Variants in PHTF2 observed in about 807,000 individuals in gnomAD.
The protein encoded by PHTF2 is protein PHTF2.
PHTF2 carries 60 observed loss-of-function variants against 101.2 expected under a neutral mutation model. The observed-to-expected ratio is 0.59, with a 90% CI of 0.48 to 0.73. PHTF2 has a LOEUF of 0.73. Among genes scored for constraint, PHTF2 ranks in the 30% least tolerant of loss-of-function variants. The pLI is 0.00. For missense variants in PHTF2, 747 were observed against 908.7 expected, an observed-to-expected ratio of 0.82 and a Z score of 2.29; for synonymous variants, 311 against 307.3, an observed-to-expected ratio of 1.01 and a Z score of -0.13.
intron 19 of PHTF2, among the ~76,000 whole-genome samples, chr7:77,954,627 T>TATATATATATATATATATATATAG: frequency 7.2e-6 from 1 of 139,088 alleles, no homozygotes; most frequent in African/African-American, 2.9e-5. Context: ...TATATATATA[T>TATATATATATATATATATATATAG]ATATATATAT....
chr7:77,891,820 A>T (rs1263149492), intron 3 of PHTF2, among the ~76,000 whole-genome samples: 2 of 152,114 alleles, frequency 1.3e-5, no homozygotes, highest in Non-Finnish European at 2.9e-5. Context: ...TCCTGGGCTC[A>T]AGCGATTCTC....
intron 2 of PHTF2, among the ~76,000 whole-genome samples, chr7:77,853,644 T>G (rs190986924): frequency 6.6e-6 from 1 of 152,150 alleles, no homozygotes; most frequent in East Asian, 1.9e-4. Context: ...TTCGCCTACC[T>G]CGGCCTCCCA....
chr7:77,822,787 C>A (rs559960580), intron 1 of PHTF2, among the ~76,000 whole-genome samples: 120 of 152,204 alleles, frequency 7.9e-4, no homozygotes, highest in African/African-American at 2.7e-3. Context: ...GACACTCAAG[C>A]TGAATCTTAG....
chr7:77,833,011 C>G (rs1795187799), intron 1 of PHTF2, among the ~76,000 whole-genome samples: 1 of 152,050 alleles, frequency 6.6e-6, no homozygotes, highest in South Asian at 2.1e-4. Context: ...ACAGTATACT[C>G]TAATGAAAAG....
chr7:77,957,331 T>G (rs952374380), exon 20 of PHTF2: 5 of 152,192 alleles, frequency 3.3e-5, no homozygotes, highest in African/African-American at 7.2e-5. Context: ...AATAAATTTT[T>G]TATAACTTTC....
In PHTF2 at chr7:77,861,695, G is replaced by T. The variant is rs185244764; in HGVS notation, c.147+6861G>T. Reference sequence around the variant, plus strand: ...TCCAGCACTTTGGGAGGCCAAGGTGGGCAGATCACTTGAGGCCGGAAGTTT... The same window carrying T: ...TCCAGCACTTTGGGAGGCCAAGGTGTGCAGATCACTTGAGGCCGGAAGTTT... On this transcript the variant is annotated intron_variant, in intron 3 of 19. Coordinates refer to ENST00000416283, the Ensembl canonical transcript of PHTF2. Among the ~76,000 whole-genome samples, 179 of 152,272 alleles carry T rather than the reference G, an allele frequency of 1.2e-3. 1 individual carries two copies. Among genetic ancestry groups the T allele is most frequent in the African/African-American group, 4.2e-3 (174 of 41,542 alleles).
chr7:77,903,941 T>A (rs1201040916), intron 7 of PHTF2, among the ~76,000 whole-genome samples: 29 of 152,234 alleles, frequency 1.9e-4, no homozygotes, highest in Admixed American at 1.8e-3. Context: ...TTTTTTTATT[T>A]CAATTACATG....
chr7:77,901,666 T>C, intron 6 of PHTF2, 96 bp from the exon 6 acceptor site: 1 of 533,532 alleles, frequency 1.9e-6, no homozygotes. Context: ...AATAAAATTA[T>C]GTGGTGATGT....
In PHTF2 at chr7:77,869,839, GT is replaced by G. The variant is rs368876712; in HGVS notation, c.147+15010del. 1.2e-4 allele frequency among the ~76,000 whole-genome samples: 18 copies of G among 152,068 alleles called. No individual in the cohort carries two copies. In the East Asian group the frequency reaches 3.1e-3, roughly 26 times the overall value. On this transcript the variant is annotated intron_variant, in intron 3 of 19. Coordinates refer to ENST00000416283, the Ensembl canonical transcript of PHTF2. Reference sequence around the variant, plus strand: ...GATGTTGAGTTTTTTTGTTGTTGCTGTTTTTGTTTTGATTTTTTAACATACC... The same window carrying G: ...GATGTTGAGTTTTTTTGTTGTTGCTGTTTTGTTTTGATTTTTTAACATACC...
At chr7:77,882,282 A>G (rs997433200) in intron 3 of PHTF2, among the ~76,000 whole-genome samples, 4 of 152,156 alleles carry the variant, frequency 2.6e-5, no homozygotes, top group Non-Finnish European at 4.4e-5. Context: ...AGATATATAA[A>G]TTGACCGAAT....
At chr7:77,821,871 C>A (rs1253971177) in intron 1 of PHTF2, among the ~76,000 whole-genome samples, 1 of 152,164 alleles carries the variant, frequency 6.6e-6, no homozygotes. Flanking sequence ...GGGCTCATGG[C>A]TGCTTGGATG....
At chr7:77,840,922 GTTGTT>G (rs1441399406) in intron 2 of PHTF2, among the ~76,000 whole-genome samples, 2 of 151,836 alleles carry the variant, frequency 1.3e-5, no homozygotes, top group African/African-American at 4.8e-5. Context: ...TAAAATTTAT[GTTGTT>G]TTGTGTAATA....
intron 3 of PHTF2, among the ~76,000 whole-genome samples, chr7:77,856,976 A>G (rs1797235371): frequency 6.6e-6 from 1 of 152,132 alleles, no homozygotes; most frequent in Non-Finnish European, 1.5e-5. Context: ...AACAGATGAC[A>G]AATTAGAGTA....
intron 1 of PHTF2, among the ~76,000 whole-genome samples, chr7:77,813,882 A>AG (rs996293062): frequency 6.6e-6 from 1 of 152,208 alleles, no homozygotes; most frequent in African/African-American, 2.4e-5. Context: ...CAGTTGGCTT[A>AG]GTAGTTTTAT....
intron 5 of PHTF2, among the ~76,000 whole-genome samples, chr7:77,896,813 A>T (rs1057384680): frequency 1.3e-5 from 2 of 152,236 alleles, no homozygotes; most frequent in African/African-American, 4.8e-5. Context: ...CAGTGTACCA[A>T]ATGTATTGAG....
chr7:77,929,947 AT>A lies in PHTF2; in HGVS notation c.1338+641del, dbSNP rs761290166. On this transcript the variant is annotated intron_variant, in intron 12 of 19. Coordinates refer to ENST00000416283, the Ensembl canonical transcript of PHTF2. ...GCACATCTCATTTTGGACTAGCCACATTTTTTTTTTTTTTTTTTTTTGAGAT... is the reference window on the plus strand; with the variant it reads ...GCACATCTCATTTTGGACTAGCCACATTTTTTTTTTTTTTTTTTTTGAGAT... Among the ~76,000 whole-genome samples the A allele has an allele frequency of 6.7e-3, 821 of 122,130 alleles. 4 individuals are homozygous for A. Among genetic ancestry groups the A allele is most frequent in the African/African-American group, 0.022 (679 of 30,880 alleles). 80.1% of individuals were successfully genotyped at this position (122,130 alleles called of 152,430 possible).
Position 77,889,478 on chromosome 7 carries a change from C to T in PHTF2, c.148-4130C>T, listed in dbSNP as rs17159241. Among the ~76,000 whole-genome samples the T allele has an allele frequency of 9.0e-3, 1,366 of 152,208 alleles. 15 individuals carry two copies. Among genetic ancestry groups the T allele is most frequent in the South Asian group, 0.034 (163 of 4,826 alleles). ...CCCTGAACATCTCCTTCTGAGACAC[C>T]TGCATTTAGGTTAACCAGCGTCCTC... On this transcript the variant is annotated intron_variant, in intron 3 of 19. Transcript: ENST00000416283.
exon 20 of PHTF2, chr7:77,957,084 A>G (rs1334202519): frequency 2.0e-5 from 3 of 152,226 alleles, no homozygotes; most frequent in Non-Finnish European, 2.9e-5. Context: ...AATTGAAAGA[A>G]ATTGTAAAAT....
At chr7:77,831,616 G>C (rs1289457615) in intron 1 of PHTF2, among the ~76,000 whole-genome samples, 2 of 152,222 alleles carry the variant, frequency 1.3e-5, no homozygotes, top group African/African-American at 4.8e-5. Context: ...TCAGGAGGAC[G>C]TGCATGAGGG....
Sources: allele counts gnomAD v4.1 joint callset (sites outside exome capture counted in the v4.1 genomes callset), GRCh38; gene constraint gnomAD v4.1.1; transcripts MANE v1.5; gene names NCBI Gene and HGNC (gene_info 2026-07-23, HGNC 2026-07-21).